Variants in VAV2 observed in about 807,000 individuals in gnomAD.
VAV2 encodes the protein vav guanine nucleotide exchange factor 2, also known as guanine nucleotide exchange factor VAV2.
In VAV2, 67 loss-of-function variants were observed where a neutral mutation model predicts 132.5. The ratio of observed to expected loss-of-function variants is 0.51; its 90% confidence interval spans 0.42 to 0.62. The LOEUF is 0.62. Ranked by LOEUF, VAV2 falls within the 20% of genes least tolerant of loss-of-function variation. The pLI is 0.00. For missense variants in VAV2, 938 were observed against 1,153.6 expected (o/e 0.81, Z 2.71); for synonymous variants, 492 against 443.5 (o/e 1.11, Z -1.37).
Position 133,821,799 on chromosome 9 carries a change from A to G in VAV2, c.450-9583T>C, listed in dbSNP as rs147209516. ...CGAGATGGCCAGGCAGGAATGTGGA[A>G]GCCCAGACGTGAATGGGCCTCCACG... is the stretch of plus-strand genomic sequence containing the variant. On this transcript the variant is annotated intron_variant, in intron 4 of 29. Coordinates refer to ENST00000371850, the MANE Select transcript of VAV2 (RefSeq NM_001134398.2). 8.2e-3 allele frequency among the ~76,000 whole-genome samples: 1,250 copies of G among 152,288 alleles called. 30 individuals are homozygous for G. The highest frequency in any genetic ancestry group is 0.047 in the Admixed American group (725 of 15,304).
rs899139908 is a variant in VAV2 at position 133,824,897 on chromosome 9, G to C, written c.449+9375C>G. 6.6e-6 allele frequency among the ~76,000 whole-genome samples: 1 copy of C among 152,196 alleles called. No individual in the cohort carries two copies. Among genetic ancestry groups the C allele is most frequent in the Non-Finnish European group, 1.5e-5 (1 of 68,034 alleles). ...GAGGGCTCAGGGCCCGGCCTGCAGC[G>C]CTCAGGGAGATGCAACTGGAAGCGT... On this transcript the variant is annotated intron_variant, in intron 4 of 29. Transcript: ENST00000371850. The surrounding 1 kb of genome is among the most constrained non-coding windows in gnomAD (Gnocchi z 5.2).
intron 1 of VAV2, among the ~76,000 whole-genome samples, chr9:133,944,146 T>C (rs1841276597): frequency 6.6e-6 from 1 of 152,054 alleles, no homozygotes; most frequent in African/African-American, 2.4e-5. Context: ...AAACAATCTA[T>C]TGTGATGGGG....
At chr9:133,914,901 T>C (rs1840022507) in intron 2 of VAV2, among the ~76,000 whole-genome samples, 1 of 89,148 alleles carries the variant, frequency 1.1e-5, no homozygotes, top group East Asian at 3.3e-4. Flanking sequence ...GTTTGGGACT[T>C]TGGAACAGGT....
intron 2 of VAV2, among the ~76,000 whole-genome samples, chr9:133,871,039 G>A (rs1838013449): frequency 6.7e-6 from 1 of 149,170 alleles, no homozygotes; most frequent in Admixed American, 6.7e-5. Flanking sequence ...TGGATGGGCA[G>A]ACAGGTGGAT....
At chr9:133,888,500 T>A (rs1389334316) in intron 2 of VAV2, among the ~76,000 whole-genome samples, 1 of 152,176 alleles carries the variant, frequency 6.6e-6, no homozygotes, top group Non-Finnish European at 1.5e-5. Context: ...GACATGTCTG[T>A]CCCTACACCA....
chr9:133,971,193 C>A (rs989006524), intron 1 of VAV2, among the ~76,000 whole-genome samples: 2 of 152,206 alleles, frequency 1.3e-5, no homozygotes, highest in African/African-American at 4.8e-5. Flanking sequence ...CCAAAGCTTG[C>A]AGATGGAACA....
chr9:133,807,287 C>T lies in VAV2; in HGVS notation c.706G>A (p.Asp236Asn). The part of the protein sequence containing the change: ...SPLRLVLSPA[D>N]MAAVFINLED... Reference sequence around the variant, plus strand: ...AGGTTAATGAAGACAGCTGCCATGTCCGCCGGGCTCAGCACCAGCCGCAGG... The same window carrying T: ...AGGTTAATGAAGACAGCTGCCATGTTCGCCGGGCTCAGCACCAGCCGCAGG... The change falls in exon 8 of 30, where the codon GAC (aspartate) becomes AAC (asparagine). Residue 236 changes from aspartate to asparagine, a missense_variant. Physicochemically the swap from Asp to Asn is conservative, Grantham distance 23 (BLOSUM62 1). Coordinates refer to ENST00000371850, the MANE Select transcript of VAV2 (RefSeq NM_001134398.2). The T allele has an allele frequency of 6.2e-7, 1 of 1,611,224 alleles. No individual in the cohort carries two copies. The highest frequency in any genetic ancestry group is 8.5e-7 in the Non-Finnish European group (1 of 1,179,372).
chr9:133,815,813 G>C (rs75918473), intron 4 of VAV2, among the ~76,000 whole-genome samples: 26,988 of 152,174 alleles, frequency 0.18, 2,595 homozygotes, highest in African/African-American at 0.24. Context: ...TGTGGTGGGT[G>C]GGGGGTTACA....
chr9:133,811,027 C>T (rs1231881549), intron 5 of VAV2, among the ~76,000 whole-genome samples: 2 of 152,234 alleles, frequency 1.3e-5, no homozygotes, highest in African/African-American at 4.8e-5. Context: ...GGGGAGCCCC[C>T]AGCAGCAGGG....
intron 3 of VAV2, among the ~76,000 whole-genome samples, chr9:133,845,552 C>A (rs1234910285): frequency 6.6e-6 from 1 of 150,904 alleles, no homozygotes; most frequent in Non-Finnish European, 1.5e-5. Flanking sequence ...CCTCCCTGCA[C>A]TTCCTGCCGA....
Position 133,807,417 on chromosome 9 carries a change from C to T in VAV2, c.667-91G>A, listed in dbSNP as rs561698363. ...CCAGGGGAGGGTCCCAGGGCAGCTCCGAGGCAGGCACTGGGGTGCTCCATG... is the reference window on the plus strand; with the variant it reads ...CCAGGGGAGGGTCCCAGGGCAGCTCTGAGGCAGGCACTGGGGTGCTCCATG... On this transcript the variant is annotated intron_variant, in intron 7 of 29. Transcript: ENST00000371850. The T allele has an allele frequency of 9.8e-4, 1,319 of 1,347,364 alleles. 1 individual carries two copies. Among genetic ancestry groups the T allele is most frequent in the Non-Finnish European group, 1.2e-3 (1,203 of 996,422 alleles). The allele number at this position is 1,347,364 out of a possible 1,614,324, so 83.5% of individuals were successfully genotyped here. A position where few individuals can be genotyped will look rare whatever the true frequency, so the allele number is the denominator to read the frequency against.
At chr9:133,847,519 G>A (rs1340445661) in intron 3 of VAV2, among the ~76,000 whole-genome samples, 2 of 152,160 alleles carry the variant, frequency 1.3e-5, no homozygotes, top group Non-Finnish European at 2.9e-5. Context: ...GCTGTCAGAG[G>A]CCAGTCCTAC....
chr9:133,768,483 C>T lies in VAV2; in HGVS notation c.2548G>A (p.Gly850Ser), dbSNP rs150483592. The T allele has an allele frequency of 3.7e-5, 60 of 1,613,904 alleles. No homozygotes were observed. The Middle Eastern group carries it at 4.9e-4, about 13-fold the overall frequency. The change falls in exon 29 of 30, where the codon GGC becomes AGC. Residue 850 changes from glycine (G) to serine (S), a missense_variant. Coordinates refer to ENST00000371850, the MANE Select transcript of VAV2 (RefSeq NM_001134398.2). This position sits in a 1 kb window ranked among gnomAD's most constrained non-coding sequence, Gnocchi z 5.3. ...GDVVRIYSRI[G>S]GDQGWWKGET... ...CCCTTCCACCAGCCCTGGTCTCCGC[C>T]GATGCGGCTGTAGATCCTCACCACG...
intron 14 of VAV2, 138 bp downstream of exon 14, chr9:133,789,120 G>C: frequency 2.2e-6 from 2 of 925,294 alleles, no homozygotes; most frequent in African/African-American, 1.7e-5. Flanking sequence ...AATTAAAACT[G>C]AACAACACAA....
At chr9:133,808,941 C>T in intron 7 of VAV2, 99 bp downstream of exon 7, 1 of 1,149,356 alleles carries the variant, frequency 8.7e-7, no homozygotes, top group Non-Finnish European at 1.2e-6. Flanking sequence ...CAGAGAGGCC[C>T]TATGGCCCTG....
chr9:133,806,469 C>T (rs1213039684), intron 8 of VAV2, among the ~76,000 whole-genome samples: 1 of 152,212 alleles, frequency 6.6e-6, no homozygotes, highest in Non-Finnish European at 1.5e-5. Context: ...CTGCAGACAG[C>T]GTGGGGCGGC....
chr9:133,800,140 G>A (rs1834875616), intron 9 of VAV2, among the ~76,000 whole-genome samples: 2 of 152,208 alleles, frequency 1.3e-5, no homozygotes, highest in South Asian at 4.1e-4. Flanking sequence ...CCCAGTTCCT[G>A]GGGCTGTCCT....
chr9:133,772,804 G>T (rs1833676526), intron 25 of VAV2, among the ~76,000 whole-genome samples: 3 of 152,034 alleles, frequency 2.0e-5, no homozygotes, highest in African/African-American at 7.3e-5. Flanking sequence ...ATCACTGTAC[G>T]AACGCCACGG....
intron 2 of VAV2, among the ~76,000 whole-genome samples, chr9:133,893,355 G>T (rs1253185201): frequency 1.3e-5 from 2 of 152,208 alleles, no homozygotes; most frequent in Admixed American, 1.3e-4. Flanking sequence ...GGCGAAGGCG[G>T]CGGCAACAGC....
Sources: allele counts gnomAD v4.1 joint callset (sites outside exome capture counted in the v4.1 genomes callset), GRCh38; gene constraint gnomAD v4.1.1; non-coding constraint Gnocchi (gnomAD v3.1); transcripts MANE v1.5; gene names NCBI Gene and HGNC (gene_info 2026-07-23, HGNC 2026-07-21).